The following LPXN variants were observed in gnomAD, a reference collection of about 807,000 sequenced individuals.
The protein encoded by LPXN is leupaxin.
In LPXN, 28 loss-of-function variants were observed where a neutral mutation model predicts 45.6. That is an observed-to-expected ratio of 0.61 (90% CI 0.45 to 0.84). LPXN has a LOEUF of 0.84. Among genes scored for constraint, LPXN ranks in the 40% least tolerant of loss-of-function variants. The probability of loss-of-function intolerance (pLI) is 0.00; values close to 1 mark genes in which losing one functional copy is unlikely to be tolerated. For missense variants in LPXN, 459 were observed against 475.0 expected, an observed-to-expected ratio of 0.97 and a Z score of 0.31; for synonymous variants, 166 against 169.9, an observed-to-expected ratio of 0.98 and a Z score of 0.18.
chr11:58,528,660 T>C (rs1853299983), intron 7 of LPXN, among the ~76,000 whole-genome samples: 1 of 152,180 alleles, frequency 6.6e-6, no homozygotes. Flanking sequence ...TGAGAGAAAC[T>C]AGATATTGTT....
chr11:58,543,993 G>T (rs889954967), intron 7 of LPXN, among the ~76,000 whole-genome samples: 1 of 152,040 alleles, frequency 6.6e-6, no homozygotes, highest in African/African-American at 2.4e-5. Flanking sequence ...GCCTTGCTTT[G>T]TTCAACTTTG....
rs545051432 is a variant in LPXN, at chr11:58,526,990, G to A, written c.*464C>T. On this transcript the variant is annotated 3_prime_UTR_variant, in exon 9 of 9. Transcript: ENST00000395074. Reference sequence around the variant, plus strand: ...TGAAGGAAGATGCAAAGAGCTAAAAGTGGTATCATGATTCCACAGCAGTGA... The same window carrying A: ...TGAAGGAAGATGCAAAGAGCTAAAAATGGTATCATGATTCCACAGCAGTGA... 1 of 157,406 alleles carries A rather than the reference G, an allele frequency of 6.4e-6. No individual in the cohort carries two copies. Among genetic ancestry groups the A allele is most frequent in the African/African-American group, 2.4e-5 (1 of 41,616 alleles). 9.8% of individuals were successfully genotyped at this position (157,406 alleles called of 1,614,324 possible). A position where few individuals can be genotyped will look rare whatever the true frequency, so the allele number is the denominator to read the frequency against.
At chr11:58,540,716 CA>C (rs1207234557) in intron 7 of LPXN, among the ~76,000 whole-genome samples, 1 of 152,130 alleles carries the variant, frequency 6.6e-6, no homozygotes, top group Non-Finnish European at 1.5e-5. Context: ...CTCTTTAATA[CA>C]TGAAATTTTC....
In LPXN at chr11:58,541,908, GA is replaced by G. The variant is rs1853735629; in HGVS notation, c.742+7877del. Among the ~76,000 whole-genome samples, 6 of 152,112 alleles carry G rather than the reference GA, an allele frequency of 3.9e-5. No individual in the cohort carries two copies. The South Asian group carries it at 1.2e-3, about 32-fold the overall frequency. ...CTTTGTAGGGACATGGATGAAATTG[GA>G]AATCATCATTCTCAGTAAACTATCT... is the stretch of plus-strand genomic sequence containing the variant. On this transcript the variant is annotated intron_variant, in intron 7 of 8. Coordinates refer to ENST00000395074, the MANE Select transcript of LPXN (RefSeq NM_004811.3).
At position 58,550,072 on chromosome 11, in the gene LPXN, G is replaced by A; in HGVS notation, c.561C>T (p.Ser187=). ...AGCCACTCCGCTCAAAGAAGGGACT[G>A]GAGCCAATCTCTTCTTTGCAATGAG... ...VCTHCKEEIG[S]SPFFERSGLA... The change falls in exon 6 of 9, where the codon TCC becomes TCT. Residue 187 remains serine (S), a synonymous_variant. Transcript: ENST00000395074. The A allele has an allele frequency of 6.2e-7, 1 of 1,614,212 alleles. No homozygotes were observed. The highest frequency in any genetic ancestry group is 2.2e-5 in the East Asian group (1 of 44,888).
At chr11:58,566,373 C>T (rs1473303665) in intron 2 of LPXN, among the ~76,000 whole-genome samples, 2 of 152,114 alleles carry the variant, frequency 1.3e-5, no homozygotes, top group Non-Finnish European at 1.5e-5. Context: ...AGGCCAATAT[C>T]GTCATAGGTG....
At chr11:58,556,948 G>T (rs1477709453) in intron 3 of LPXN, among the ~76,000 whole-genome samples, 1 of 151,988 alleles carries the variant, frequency 6.6e-6, no homozygotes, top group Admixed American at 6.6e-5. Flanking sequence ...ATATGAAAAG[G>T]TATTCAACAC....
chr11:58,540,719 G>T (rs1853690488), intron 7 of LPXN, among the ~76,000 whole-genome samples: 1 of 152,070 alleles, frequency 6.6e-6, no homozygotes, highest in Non-Finnish European at 1.5e-5. Context: ...TTTAATACAT[G>T]AAATTTTCAC....
intron 4 of LPXN, 156 bp downstream of exon 4, chr11:58,554,685 A>C: frequency 1.8e-6 from 1 of 543,216 alleles, no homozygotes; most frequent in Non-Finnish European, 3.2e-6. Flanking sequence ...CATGGAATTA[A>C]ATTTAGTCTG....
chr11:58,544,285 T>A (rs1853817504), intron 7 of LPXN, among the ~76,000 whole-genome samples: 1 of 152,208 alleles, frequency 6.6e-6, no homozygotes, highest in African/African-American at 2.4e-5. Context: ...GCATTATTCA[T>A]CTGGGAACTT....
Position 58,527,843 on chromosome 11 carries a change from C to T in LPXN, c.892-120G>A, listed in dbSNP as rs1853272896. The T allele has an allele frequency of 1.7e-5, 20 of 1,181,912 alleles. No homozygotes were observed. In the South Asian group the frequency reaches 2.7e-4, roughly 16 times the overall value. The allele number at this position is 1,181,912 out of a possible 1,614,324, so 73.2% of individuals were successfully genotyped here. A position where few individuals can be genotyped will look rare whatever the true frequency, so the allele number is the denominator to read the frequency against. The stretch of plus-strand genomic sequence containing the variant: ...ACCTGCCAGCTACAGGAATTTCCCT[C>T]AGGTTCTTGACAAATGGAGACTAGA... On this transcript the variant is annotated intron_variant, in intron 8 of 8. Coordinates refer to ENST00000395074, the MANE Select transcript of LPXN (RefSeq NM_004811.3).
intron 3 of LPXN, 128 bp from the exon 4 acceptor site, chr11:58,555,068 G>C (rs1467132598): frequency 5.1e-6 from 3 of 592,764 alleles, no homozygotes; most frequent in Non-Finnish European, 8.9e-6. Flanking sequence ...ATCAGAGATG[G>C]GGGTATTTTA....
chr11:58,574,309 A>G (rs551726949), intron 1 of LPXN, among the ~76,000 whole-genome samples: 6 of 152,306 alleles, frequency 3.9e-5, no homozygotes, highest in African/African-American at 1.4e-4. Context: ...CAGAACCAAT[A>G]AACTTCTAAA....
At chr11:58,569,105 G>T (rs1239831884) in intron 2 of LPXN, among the ~76,000 whole-genome samples, 1 of 152,172 alleles carries the variant, frequency 6.6e-6, no homozygotes, top group Non-Finnish European at 1.5e-5. Flanking sequence ...GAAAAGAACA[G>T]TTAGGGCGTA....
intron 4 of LPXN, 68 bp downstream of exon 4, chr11:58,554,773 C>T (rs1854152309): frequency 8.6e-7 from 1 of 1,168,534 alleles, no homozygotes; most frequent in Non-Finnish European, 1.2e-6. Flanking sequence ...AACTGGTGAC[C>T]CCATGGGCCC....
chr11:58,543,410 A>G (rs1853787270), intron 7 of LPXN, among the ~76,000 whole-genome samples: 1 of 152,210 alleles, frequency 6.6e-6, no homozygotes, highest in African/African-American at 2.4e-5. Context: ...TTTACGTAAG[A>G]ATCCCTCCTT....
chr11:58,555,372 T>A (rs970987363), intron 3 of LPXN, among the ~76,000 whole-genome samples: 1 of 152,212 alleles, frequency 6.6e-6, no homozygotes, highest in Non-Finnish European at 1.5e-5. Flanking sequence ...TATCTGCCTC[T>A]TTACAGAACA....
chr11:58,577,544 C>G (rs1854936418), upstream of LPXN, among the ~76,000 whole-genome samples: 1 of 152,090 alleles, frequency 6.6e-6, no homozygotes, highest in South Asian at 2.1e-4. Context: ...GCAAATCGTT[C>G]CTTGATTGTA....
At position 58,570,665 on chromosome 11, in the gene LPXN, T is replaced by G; in HGVS notation, c.62A>C (p.Glu21Ala). The change falls in exon 2 of 9, where the codon GAA becomes GCA. Residue 21 changes from glutamate to alanine, a missense_variant. Physicochemically the swap from Glu to Ala is moderately radical, Grantham distance 107 (BLOSUM62 -1). Transcript: ENST00000395074. ...LERSTLQDSD[E>A]YSNPAPLPLD... ...GGGAAGAGGAGCTGGGTTGGAATAT[T>G]CATCACTGTCCTGAAGGGTGGAGCG... is the stretch of plus-strand genomic sequence containing the variant. 1 of 1,614,002 alleles carries G rather than the reference T, an allele frequency of 6.2e-7. No individual in the cohort carries two copies. Among genetic ancestry groups the G allele is most frequent in the Non-Finnish European group, 8.5e-7 (1 of 1,179,930 alleles).
Sources: allele counts gnomAD v4.1 joint callset (sites outside exome capture counted in the v4.1 genomes callset), GRCh38; gene constraint gnomAD v4.1.1; transcripts MANE v1.5; gene names NCBI Gene and HGNC (gene_info 2026-07-23, HGNC 2026-07-21).